The following STS variants were observed in gnomAD, a reference collection of about 807,000 sequenced individuals.
STS encodes the protein steroid sulfatase, also known as steryl-sulfatase.
Under a neutral mutation model 26.8 loss-of-function variants are expected in STS, and 7 were observed. The ratio of observed to expected loss-of-function variants is 0.26; its 90% confidence interval spans 0.15 to 0.49. The LOEUF (loss-of-function observed/expected upper bound fraction) is 0.49, where lower values mean the gene tolerates loss of function less well. Ranked by LOEUF, STS falls within the 20% of genes least tolerant of loss-of-function variation. The probability of loss-of-function intolerance (pLI) is 0.98; values close to 1 mark genes in which losing one functional copy is unlikely to be tolerated. For synonymous variants in STS, 199 were observed against 189.4 expected, an observed-to-expected ratio of 1.05 and a Z score of -0.42; for missense variants, 434 against 465.6, an observed-to-expected ratio of 0.93 and a Z score of 0.63.
At chrX:7,166,435 T>C (rs1168377130) in intron 1 of STS, among the ~76,000 whole-genome samples, 1 of 111,851 alleles carries the variant, frequency 8.9e-6, no homozygotes, top group Non-Finnish European at 1.9e-5. Flanking sequence ...AGAGTTTTGT[T>C]TGTACCCTGC....
At chrX:7,335,520 A>G (rs1281122802) in intron 10 of STS, among the ~76,000 whole-genome samples, 1 of 111,927 alleles carries the variant, frequency 8.9e-6, no homozygotes, top group Admixed American at 9.5e-5. Flanking sequence ...CCTTTGTCAG[A>G]TGAGTAGATT....
intron 7 of STS, among the ~76,000 whole-genome samples, chrX:7,285,116 G>A (rs776383320): frequency 9.0e-6 from 1 of 110,982 alleles, no homozygotes; most frequent in Non-Finnish European, 1.9e-5. Context: ...GAGGAAGCAG[G>A]GGGACGTTGT....
At chrX:7,322,905 C>G (rs778922240) in intron 8 of STS, among the ~76,000 whole-genome samples, 1 of 112,128 alleles carries the variant, frequency 8.9e-6, no homozygotes, top group African/African-American at 3.2e-5. Flanking sequence ...CTGCCTCTGC[C>G]GGTACCCTTT....
intron 1 of STS, among the ~76,000 whole-genome samples, chrX:7,149,619 C>T (rs1318268857): frequency 9.0e-6 from 1 of 111,644 alleles, no homozygotes; most frequent in Non-Finnish European, 1.9e-5. Context: ...TAGTTTACTA[C>T]AGCTGCCATA....
Position 7,334,144 on chromosome X carries a change from G to A in STS, c.1363+37G>A, listed in dbSNP as rs200554999. On this transcript the variant is annotated intron_variant, in intron 10 of 10. Transcript: ENST00000674429. ...GACCTTTCCACGCTCCTCATGCTCC[G>A]TGCAACCTATGCCATGGGAATAGAT... is the stretch of plus-strand genomic sequence containing the variant. 7,165 of 1,208,773 alleles carry A rather than the reference G, an allele frequency of 5.9e-3. 27 individuals are homozygous for A. The highest frequency in any genetic ancestry group is 0.027 in the South Asian group (1,559 of 56,775).
At position 7,167,974 on chromosome X, in the gene STS, A is replaced by G. The variant is rs181242783; in HGVS notation, c.-134+19891A>G. 5.3e-3 allele frequency among the ~76,000 whole-genome samples: 587 copies of G among 111,389 alleles called. 2 individuals are homozygous for G. The highest frequency in any genetic ancestry group is 8.6e-3 in the Non-Finnish European group (455 of 53,068). On this transcript the variant is annotated intron_variant, in intron 1 of 10. Coordinates refer to ENST00000674429, the MANE Select transcript of STS (RefSeq NM_001320752.2). Reference sequence around the variant, plus strand: ...CTCCCAAAATGCTGGGATTACAGGCATGAGCCACCATGCCTGGTCCTCATC... The same window carrying G: ...CTCCCAAAATGCTGGGATTACAGGCGTGAGCCACCATGCCTGGTCCTCATC...
rs753790052 is a variant in STS, at chrX:7,225,023, G to C, written c.-4-28173G>C. Reference sequence around the variant, plus strand: ...TCTGGCTAAGGTGTAAGAACAGCTGGGGTCCTCATTGGGAAGCCGATTAAA... The same window carrying C: ...TCTGGCTAAGGTGTAAGAACAGCTGCGGTCCTCATTGGGAAGCCGATTAAA... On this transcript the variant is annotated intron_variant, in intron 2 of 10. Transcript: ENST00000674429. Among the ~76,000 whole-genome samples the C allele has an allele frequency of 3.6e-5, 4 of 112,264 alleles. No individual in the cohort carries two copies. The South Asian group carries it at 1.5e-3, about 42-fold the overall frequency.
chrX:7,244,004 G>C (rs1403024781), intron 2 of STS, among the ~76,000 whole-genome samples: 1 of 111,282 alleles, frequency 9.0e-6, no homozygotes, highest in African/African-American at 3.3e-5. Flanking sequence ...GGGCGGCAGA[G>C]GTTGCAGTGA....
intron 9 of STS, among the ~76,000 whole-genome samples, chrX:7,332,159 G>A (rs1229530841): frequency 8.4e-5 from 9 of 106,960 alleles, no homozygotes; most frequent in Admixed American, 2.0e-4. Flanking sequence ...TGGGCAAATC[G>A]CTCCAAAAAA....
chrX:7,204,641 T>G (rs1265632960), intron 2 of STS, among the ~76,000 whole-genome samples: 1 of 104,125 alleles, frequency 9.6e-6, no homozygotes, highest in Non-Finnish European at 2.0e-5. Flanking sequence ...CCTCTCTTCC[T>G]TTTTTCTCTC....
chrX:7,268,419 G>A (rs987970849), intron 6 of STS, among the ~76,000 whole-genome samples: 1 of 111,635 alleles, frequency 9.0e-6, no homozygotes, highest in Non-Finnish European at 1.9e-5. Context: ...GTAAGTGGCT[G>A]TGATGAATAG....
intron 8 of STS, among the ~76,000 whole-genome samples, chrX:7,308,531 CAATGGTCTTGAAT>C (rs1926323024): frequency 9.0e-6 from 1 of 111,192 alleles, no homozygotes; most frequent in South Asian, 3.8e-4. Context: ...AAGGGAGCCT[CAATGGTCTTGAAT>C]AATGGTTGGG....
At chrX:7,280,739 T>C (rs1243505144) in intron 7 of STS, among the ~76,000 whole-genome samples, 1 of 112,351 alleles carries the variant, frequency 8.9e-6, no homozygotes, top group East Asian at 2.8e-4. Flanking sequence ...GCAATCAGCA[T>C]TCACTCAGAG....
chrX:7,328,027 A>G (rs1245285836), intron 9 of STS, among the ~76,000 whole-genome samples: 3 of 111,936 alleles, frequency 2.7e-5, no homozygotes, highest in African/African-American at 9.7e-5. Flanking sequence ...TTAACACTCT[A>G]GTGATGGAAA....
chrX:7,266,273 T>C (rs1382104523), intron 6 of STS, among the ~76,000 whole-genome samples: 1 of 112,017 alleles, frequency 8.9e-6, no homozygotes, highest in Non-Finnish European at 1.9e-5. Flanking sequence ...TTATAGCCTT[T>C]CTCTACACTG....
At chrX:7,300,217 T>C (rs1257903981) in intron 7 of STS, among the ~76,000 whole-genome samples, 6 of 112,155 alleles carry the variant, frequency 5.3e-5, no homozygotes, top group Non-Finnish European at 5.6e-5. Flanking sequence ...AACAAAGTGC[T>C]CTTGAAATGG....
intron 7 of STS, among the ~76,000 whole-genome samples, chrX:7,288,503 G>A (rs765862705): frequency 9.0e-6 from 1 of 111,082 alleles, no homozygotes; most frequent in South Asian, 3.8e-4. Flanking sequence ...GGACTTAGGA[G>A]CATCTCAGAT....
chrX:7,256,319 ATAAG>A (rs1364612205), intron 3 of STS, among the ~76,000 whole-genome samples: 3 of 112,551 alleles, frequency 2.7e-5, no homozygotes, highest in Non-Finnish European at 3.8e-5. Context: ...GAGCTCATAA[ATAAG>A]TATTTATGAA....
At chrX:7,200,371 C>G (rs771733541) in intron 2 of STS, among the ~76,000 whole-genome samples, 133 of 111,347 alleles carry the variant, frequency 1.2e-3, no homozygotes, top group African/African-American at 4.1e-3. Context: ...TCTAGACTCT[C>G]AAATTTCAAA....
Sources: allele counts gnomAD v4.1 joint callset (sites outside exome capture counted in the v4.1 genomes callset), GRCh38; gene constraint gnomAD v4.1.1; transcripts MANE v1.5; gene names NCBI Gene and HGNC (gene_info 2026-07-23, HGNC 2026-07-21).